Variants in GLCCI1 observed in about 807,000 individuals in gnomAD.
GLCCI1 encodes glucocorticoid induced 1.
Under a neutral mutation model 52.2 loss-of-function variants are expected in GLCCI1, and 24 were observed. The observed-to-expected ratio is 0.46, with a 90% CI of 0.33 to 0.65. The LOEUF (loss-of-function observed/expected upper bound fraction) is 0.65. Among genes scored for constraint, GLCCI1 ranks in the 30% least tolerant of loss-of-function variants. The pLI is 0.02. For synonymous variants in GLCCI1, 310 were observed against 276.5 expected (o/e 1.12, Z -1.20); for missense variants, 704 against 701.5 (o/e 1.00, Z -0.04).
At chr7:8,028,078 A>C (rs557952856) in intron 3 of GLCCI1, among the ~76,000 whole-genome samples, 1 of 152,352 alleles carries the variant, frequency 6.6e-6, no homozygotes, top group South Asian at 2.1e-4. Context: ...GCAAGGAAAC[A>C]TTGGGCTTAA....
chr7:7,981,072 G>A, intron 1 of GLCCI1: 1 of 472,688 alleles, frequency 2.1e-6, no homozygotes, highest in South Asian at 1.6e-5. Context: ...TTTTAGAGAT[G>A]GTGGGAGACC....
At chr7:8,048,020 C>T (rs939715134) in intron 3 of GLCCI1, among the ~76,000 whole-genome samples, 1 of 152,084 alleles carries the variant, frequency 6.6e-6, no homozygotes, top group Non-Finnish European at 1.5e-5. Flanking sequence ...TTCCCTAACT[C>T]AACAGTCTCT....
At chr7:7,973,447 AAAGATAGATCATTAGGATT>A (rs1780397546) in intron 1 of GLCCI1, among the ~76,000 whole-genome samples, 1 of 90,492 alleles carries the variant, frequency 1.1e-5, no homozygotes, top group Non-Finnish European at 2.7e-5. Flanking sequence ...TGTGTTTTGT[AAAGATAGATCATTAGGATT>A]AATTATAAGT....
intron 2 of GLCCI1, among the ~76,000 whole-genome samples, chr7:8,022,274 G>C (rs1251253649): frequency 6.6e-6 from 1 of 152,082 alleles, no homozygotes; most frequent in Non-Finnish European, 1.5e-5. Flanking sequence ...TAAGTAAGGT[G>C]ACTCAGAGAC....
At chr7:8,044,284 T>C (rs912867759) in intron 3 of GLCCI1, among the ~76,000 whole-genome samples, 1 of 152,064 alleles carries the variant, frequency 6.6e-6, no homozygotes, top group Admixed American at 6.5e-5. Context: ...ACCACTAAAG[T>C]TCAGTGCTTT....
intron 6 of GLCCI1, among the ~76,000 whole-genome samples, chr7:8,083,238 C>G (rs896658303): frequency 6.6e-6 from 1 of 152,064 alleles, no homozygotes; most frequent in African/African-American, 2.4e-5. Flanking sequence ...GGATGTCCAT[C>G]CTCCCTACTT....
intron 6 of GLCCI1, among the ~76,000 whole-genome samples, chr7:8,076,479 C>T (rs533163823): frequency 1.6e-4 from 25 of 152,238 alleles, no homozygotes; most frequent in African/African-American, 5.5e-4. Context: ...AAGAAAGCAT[C>T]TTAAGATACA....
rs571047126 is a variant in GLCCI1, at chr7:8,086,740, G to A, written c.*202G>A. ...TGGAAAGCAGTAATGCTTGCAAAAC[G>A]TGTGTGTCATTCAGCATTTTAAGTG... On this transcript the variant is annotated 3_prime_UTR_variant, in exon 8 of 8. Transcript: ENST00000223145. The surrounding 1 kb of genome is among the most constrained non-coding windows in gnomAD (Gnocchi z 4.4). 3.8e-5 allele frequency: 21 copies of A among 556,336 alleles called. No homozygotes were observed. The highest frequency in any genetic ancestry group is 3.4e-4 in the South Asian group (13 of 38,694). 34.5% of individuals were successfully genotyped at this position (556,336 alleles called of 1,614,324 possible). A position where few individuals can be genotyped will look rare whatever the true frequency, so the allele number is the denominator to read the frequency against.
chr7:7,973,722 C>G (rs776622069), intron 1 of GLCCI1, among the ~76,000 whole-genome samples: 27 of 151,902 alleles, frequency 1.8e-4, no homozygotes, highest in Non-Finnish European at 3.2e-4. Context: ...TCTTGAGAGC[C>G]TCATTGTTTT....
At chr7:8,028,999 C>T (rs1443600642) in intron 3 of GLCCI1, among the ~76,000 whole-genome samples, 1 of 152,130 alleles carries the variant, frequency 6.6e-6, no homozygotes, top group Non-Finnish European at 1.5e-5. Flanking sequence ...CCAATGGCTT[C>T]ACCGCTGAAT....
chr7:7,969,397 C>G lies in GLCCI1; in HGVS notation c.47C>G (p.Pro16Arg). Residue 16 changes from proline to arginine, a missense_variant, in exon 1 of 8, where the codon CCT becomes CGT. Around this residue, in one of 3 missense-constraint regions of GLCCI1, gnomAD observed 547 missense variants for 524.8 expected, o/e 1.04. Transcript: ENST00000223145. The surrounding 1 kb of genome is among the most constrained non-coding windows in gnomAD (Gnocchi z 4.9). ...TCCTCCTCCAGTTCCTCTCAGACCC[C>G]TCATCCCCCGTCGCAGAGGATGAGG... ...SSSSSSSSQT[P>R]HPPSQRMRRS... 1 of 1,437,862 alleles carries G rather than the reference C, an allele frequency of 7.0e-7. No individual in the cohort carries two copies. The highest frequency in any genetic ancestry group is 9.1e-7 in the Non-Finnish European group (1 of 1,093,324). 89.1% of individuals were successfully genotyped at this position (1,437,862 alleles called of 1,614,324 possible).
intron 3 of GLCCI1, among the ~76,000 whole-genome samples, chr7:8,048,335 A>C (rs1327411783): frequency 6.6e-6 from 1 of 152,038 alleles, no homozygotes; most frequent in Admixed American, 6.5e-5. Flanking sequence ...TGGCCCTCTT[A>C]AGAAGGACCT....
chr7:8,023,616 T>TTTTTTTTTTTTTTTTG (rs1781547346), intron 3 of GLCCI1, among the ~76,000 whole-genome samples: 2 of 126,550 alleles, frequency 1.6e-5, no homozygotes, highest in Non-Finnish European at 1.7e-5. Flanking sequence ...TTTTTTTTTT[T>TTTTTTTTTTTTTTTTG]GAGGTGGAAT....
chr7:8,011,110 C>T (rs1781254326), intron 2 of GLCCI1, among the ~76,000 whole-genome samples: 1 of 151,282 alleles, frequency 6.6e-6, no homozygotes, highest in Non-Finnish European at 1.5e-5. Context: ...CAGAGTGAGA[C>T]TCTGTCTCCT....
Position 7,983,023 on chromosome 7 carries a change from C to T in GLCCI1, c.457+13216C>T, listed in dbSNP as rs559022330. ...TAGCTAGTCTTTAGGACACTTGCCC[C>T]GTTGTACTTTGTATTAAACATGTGG... On this transcript the variant is annotated intron_variant, in intron 1 of 7. Coordinates refer to ENST00000223145, the MANE Select transcript of GLCCI1 (RefSeq NM_138426.4). 6.6e-5 allele frequency among the ~76,000 whole-genome samples: 10 copies of T among 152,158 alleles called. No homozygotes were observed. The East Asian group carries it at 1.4e-3, about 21-fold the overall frequency.
At chr7:8,082,898 A>G (rs1400052818) in intron 6 of GLCCI1, among the ~76,000 whole-genome samples, 2 of 152,250 alleles carry the variant, frequency 1.3e-5, no homozygotes, top group African/African-American at 2.4e-5. Flanking sequence ...AGAATGTGAT[A>G]GGCCTGATGA....
At chr7:8,040,096 TAAA>T (rs919069864) in intron 3 of GLCCI1, among the ~76,000 whole-genome samples, 2 of 150,738 alleles carry the variant, frequency 1.3e-5, no homozygotes, top group African/African-American at 4.9e-5. Context: ...AAATAAATAA[TAAA>T]AAAGTATTTC....
chr7:8,027,131 C>A (rs992967497), intron 3 of GLCCI1, among the ~76,000 whole-genome samples: 9 of 152,196 alleles, frequency 5.9e-5, no homozygotes, highest in African/African-American at 2.2e-4. Flanking sequence ...ATGACCTCAC[C>A]AAATGAACCA....
In GLCCI1 at chr7:8,015,561, C is replaced by G. The variant is rs114082326; in HGVS notation, c.610-6922C>G. Among the ~76,000 whole-genome samples the G allele has an allele frequency of 5.9e-3, 903 of 152,260 alleles. 5 individuals are homozygous for G. The highest frequency in any genetic ancestry group is 0.021 in the African/African-American group (852 of 41,532). ...TGTTGAGATCACCTTTACTTTTTCTCTCAGCCATCATCTAATTATGAGACA... is the reference window on the plus strand; with the variant it reads ...TGTTGAGATCACCTTTACTTTTTCTGTCAGCCATCATCTAATTATGAGACA... On this transcript the variant is annotated intron_variant, in intron 2 of 7. Coordinates refer to ENST00000223145, the MANE Select transcript of GLCCI1 (RefSeq NM_138426.4).
Sources: allele counts gnomAD v4.1 joint callset (sites outside exome capture counted in the v4.1 genomes callset), GRCh38; gene constraint gnomAD v4.1.1; regional missense constraint gnomAD v4.1.1; non-coding constraint Gnocchi (gnomAD v3.1); transcripts MANE v1.5; gene names NCBI Gene and HGNC (gene_info 2026-07-23, HGNC 2026-07-21).